The following HOXB6 variants were observed in gnomAD, a reference collection of about 807,000 sequenced individuals.
HOXB6 encodes homeobox protein Hox-B6.
HOXB6 carries 18 observed loss-of-function variants against 24.2 expected under a neutral mutation model. That is an observed-to-expected ratio of 0.74 (90% CI 0.51 to 1.10). The LOEUF (loss-of-function observed/expected upper bound fraction) is 1.10, where lower values mean the gene tolerates loss of function less well. Among genes scored for constraint, HOXB6 ranks in the 50% least tolerant of loss-of-function variants. HOXB6 has a pLI of 0.00. For missense variants in HOXB6, 332 were observed against 308.3 expected, an observed-to-expected ratio of 1.08 and a Z score of -0.58; for synonymous variants, 159 against 139.1, an observed-to-expected ratio of 1.14 and a Z score of -1.01.
chr17:48,600,641 C>A, intron 2 of HOXB6: 1 of 423,962 alleles, frequency 2.4e-6, no homozygotes, highest in South Asian at 1.7e-5. Flanking sequence ...GGAGCCAGAT[C>A]CCTACGAATC....
At position 48,598,007 on chromosome 17, in the gene HOXB6, GC is replaced by G. The variant is rs1337931471; in HGVS notation, c.143del (p.Gly48AlafsTer87). On this transcript the variant is annotated frameshift_variant, in exon 3 of 4. Coordinates refer to ENST00000225648, the MANE Select transcript of HOXB6 (RefSeq NM_018952.5). LOFTEE classifies it high-confidence loss of function. ...AGGAAGTGGCAAAGCCCTTGTCCTGGCCCGGCCCTGGCCCGTAGGGCGCGGG... is the reference window on the plus strand; with the variant it reads ...AGGAAGTGGCAAAGCCCTTGTCCTGGCCGGCCCTGGCCCGTAGGGCGCGGG... ...HYPAPYGPGP[G>X]QDKGFATSSY... is the part of the protein sequence containing the mutation. 6.3e-7 allele frequency: 1 copy of G among 1,595,438 alleles called. No individual in the cohort carries two copies. Among genetic ancestry groups the G allele is most frequent in the Non-Finnish European group, 8.5e-7 (1 of 1,171,344 alleles).
intron 2 of HOXB6, among the ~76,000 whole-genome samples, chr17:48,601,235 C>G (rs1317466447): frequency 6.6e-6 from 1 of 152,040 alleles, no homozygotes; most frequent in Non-Finnish European, 1.5e-5. Flanking sequence ...AATAAATGTT[C>G]CCAGGGGTAC....
chr17:48,601,420 A>G (rs2070459619), intron 2 of HOXB6: 1 of 152,126 alleles, frequency 6.6e-6, no homozygotes, highest in Non-Finnish European at 1.5e-5. Context: ...CCGGTTTCCT[A>G]CCCGCAGGTC....
At chr17:48,602,214 C>T (rs1399062005) in intron 2 of HOXB6, 1 of 456,182 alleles carries the variant, frequency 2.2e-6, no homozygotes, top group Non-Finnish European at 4.4e-6. Context: ...CACTAACCAA[C>T]CAGGAGAACA....
At chr17:48,602,543 C>A (rs2070493778) in intron 2 of HOXB6, 1 of 215,504 alleles carries the variant, frequency 4.6e-6, no homozygotes. Flanking sequence ...TGGGCGGGGA[C>A]GGGGGCAGTG....
rs1947585279 is a variant in HOXB6, at chr17:48,596,850, G to A, written c.416-178C>T. On this transcript the variant is annotated intron_variant, in intron 3 of 3. Transcript: ENST00000225648. The surrounding 1 kb of genome is among the most constrained non-coding windows in gnomAD (Gnocchi z 4.8). ...TCCAGATTCCCTCCTAGTCTCCTAG[G>A]CCTGTGCCGTCTGTCTAGACTCTAG... The A allele has an allele frequency of 7.8e-7, 1 of 1,275,410 alleles. No homozygotes were observed. Among genetic ancestry groups the A allele is most frequent in the African/African-American group, 1.5e-5 (1 of 67,712 alleles). 79.0% of individuals were successfully genotyped at this position (1,275,410 alleles called of 1,614,324 possible). A position where few individuals can be genotyped will look rare whatever the true frequency, so the allele number is the denominator to read the frequency against.
intron 2 of HOXB6, among the ~76,000 whole-genome samples, chr17:48,600,179 G>A (rs1473283404): frequency 1.3e-5 from 2 of 152,066 alleles, no homozygotes; most frequent in Non-Finnish European, 2.9e-5. Context: ...GAGGACTAGG[G>A]GCCATTTGAA....
In HOXB6 at chr17:48,602,301, T is replaced by C. The variant is rs987797899; in HGVS notation, c.-79+2179A>G. The C allele has an allele frequency of 4.9e-5, 22 of 448,594 alleles. No homozygotes were observed. In the Admixed American group the frequency reaches 5.4e-4, roughly 11 times the overall value. The allele number at this position is 448,594 out of a possible 1,614,324, so 27.8% of individuals were successfully genotyped here. A position where few individuals can be genotyped will look rare whatever the true frequency, so the allele number is the denominator to read the frequency against. On this transcript the variant is annotated intron_variant, in intron 2 of 3. Transcript: ENST00000225648. ...TGCCCTGCGGGTCCCCTCCCTTGGC[T>C]GAGAAGAAAACCAAATAAACCTTGA...
chr17:48,597,332 C>T (rs1175938677), intron 3 of HOXB6, among the ~76,000 whole-genome samples: 1 of 152,152 alleles, frequency 6.6e-6, no homozygotes, highest in African/African-American at 2.4e-5. Flanking sequence ...CCCCCTACCC[C>T]CTTGCATGAC....
At chr17:48,601,422 C>T (rs902411292) in intron 2 of HOXB6, 2 of 152,210 alleles carry the variant, frequency 1.3e-5, no homozygotes, top group Non-Finnish European at 2.9e-5. Context: ...GGTTTCCTAC[C>T]CGCAGGTCCA....
At position 48,598,046 on chromosome 17, in the gene HOXB6, C is replaced by A. The variant is rs371317501; in HGVS notation, c.105G>T (p.Pro35=). The A allele has an allele frequency of 9.0e-5, 144 of 1,601,224 alleles. No homozygotes were observed. The highest frequency in any genetic ancestry group is 1.2e-4 in the Non-Finnish European group (136 of 1,174,438). ...CGTAGGGCGCGGGGTAATGTCTCAGCGGGTCCGCATAGCCCGACGAATAGA... is the reference window on the plus strand; with the variant it reads ...CGTAGGGCGCGGGGTAATGTCTCAGAGGGTCCGCATAGCCCGACGAATAGA... ...LPLYSSGYAD[P]LRHYPAPYGP... Residue 35 remains proline, a synonymous_variant, in exon 3 of 4, where the codon CCG becomes CCT. Coordinates refer to ENST00000225648, the MANE Select transcript of HOXB6 (RefSeq NM_018952.5).
Position 48,596,653 on chromosome 17 carries a change from G to A in HOXB6, c.435C>T (p.Ser145=), listed in dbSNP as rs1017150289. The A allele has an allele frequency of 6.2e-7, 1 of 1,613,360 alleles. No individual in the cohort carries two copies. Among genetic ancestry groups the A allele is most frequent in the Non-Finnish European group, 8.5e-7 (1 of 1,180,020 alleles). ...TGTATGTCTGGCGGCCTCGCCGGCCGCTGGGCCCAAAGGAGGAACCTGTTA... is the reference window on the plus strand; with the variant it reads ...TGTATGTCTGGCGGCCTCGCCGGCCACTGGGCCCAAAGGAGGAACCTGTTA... ...NSCNSSSFGP[S]GRRGRQTYTR... is the part of the protein sequence containing the mutation. Residue 145 remains serine (S), a synonymous_variant, in exon 4 of 4, where the codon AGC becomes AGT. Transcript: ENST00000225648. The surrounding 1 kb of genome is among the most constrained non-coding windows in gnomAD (Gnocchi z 4.8).
chr17:48,599,399 C>T (rs973528597), intron 2 of HOXB6, among the ~76,000 whole-genome samples: 1 of 152,212 alleles, frequency 6.6e-6, no homozygotes, highest in African/African-American at 2.4e-5. Flanking sequence ...TCTTCTAAGT[C>T]TCTGTAGGAG....
At chr17:48,597,110 C>G (rs1417938998) in intron 3 of HOXB6, 2 of 1,082,094 alleles carry the variant, frequency 1.8e-6, no homozygotes, top group African/African-American at 3.3e-5. Context: ...TAATGGACAT[C>G]AGTTGGGACT....
At chr17:48,597,679 G>A in intron 3 of HOXB6, 57 bp downstream of exon 3, 1 of 1,562,704 alleles carries the variant, frequency 6.4e-7, no homozygotes, top group East Asian at 2.3e-5. Context: ...CTAGTTCTGT[G>A]TCCCGGGGTG....
In HOXB6 at chr17:48,596,999, C is replaced by T. The variant is rs2070317732; in HGVS notation, c.416-327G>A. 9 of 1,205,646 alleles carry T rather than the reference C, an allele frequency of 7.5e-6. No individual in the cohort carries two copies. In the Admixed American group the frequency reaches 1.0e-4, roughly 14 times the overall value. 74.7% of individuals were successfully genotyped at this position (1,205,646 alleles called of 1,614,324 possible). On this transcript the variant is annotated intron_variant, in intron 3 of 3. Transcript: ENST00000225648. The surrounding 1 kb of genome is among the most constrained non-coding windows in gnomAD (Gnocchi z 4.8). ...TTTCCATCCATCTTGTTCCCACCCC[C>T]CGTCATCCCCCCAACCCAATGATAA...
At chr17:48,601,231 T>C (rs1409265514) in intron 2 of HOXB6, among the ~76,000 whole-genome samples, 1 of 152,132 alleles carries the variant, frequency 6.6e-6, no homozygotes, top group Non-Finnish European at 1.5e-5. Flanking sequence ...CATAAATAAA[T>C]GTTCCCAGGG....
Position 48,596,329 on chromosome 17 carries a change from A to C in HOXB6, c.*84T>G. On this transcript the variant is annotated 3_prime_UTR_variant, in exon 4 of 4. Coordinates refer to ENST00000225648, the MANE Select transcript of HOXB6 (RefSeq NM_018952.5). The surrounding 1 kb of genome is among the most constrained non-coding windows in gnomAD (Gnocchi z 4.8). The stretch of plus-strand genomic sequence containing the variant: ...GCAGGTCTCCTGGCTCCCCCACCCG[A>C]GAGCCTTCCTTCCCGGGTCTCTCTG... 1 of 1,593,276 alleles carries C rather than the reference A, an allele frequency of 6.3e-7. No individual in the cohort carries two copies. The highest frequency in any genetic ancestry group is 8.6e-7 in the Non-Finnish European group (1 of 1,162,074).
chr17:48,602,522 TG>T (rs2070493145), intron 2 of HOXB6: 2 of 245,032 alleles, frequency 8.2e-6, no homozygotes, highest in Non-Finnish European at 1.7e-5. Context: ...CCGCCAGGTT[TG>T]GGGCTAGGAT....
Sources: gnomAD v4.1 joint callset for allele counts (sites outside exome capture counted in the v4.1 genomes callset) on GRCh38, gnomAD v4.1.1 for gene constraint, Gnocchi (gnomAD v3.1) non-coding constraint, MANE v1.5 for transcripts, NCBI Gene and HGNC (gene_info 2026-07-23, HGNC 2026-07-21) for gene names.